Variants in LRP12 observed in about 807,000 individuals in gnomAD.
The protein encoded by LRP12 is low-density lipoprotein receptor-related protein 12.
In LRP12, 14 loss-of-function variants were observed where a neutral mutation model predicts 66.0. The ratio of observed to expected loss-of-function variants is 0.21; its 90% CI spans 0.14 to 0.33. The LOEUF (loss-of-function observed/expected upper bound fraction) is 0.33. LRP12 is among the 10% of genes least tolerant of loss of function. The pLI is 1.00. For missense variants in LRP12, 889 were observed against 1,053.4 expected, an observed-to-expected ratio of 0.84 and a Z score of 2.16; for synonymous variants, 357 against 359.1, an observed-to-expected ratio of 0.99 and a Z score of 0.07.
intron 1 of LRP12, chr8:104,566,421 T>C (rs560542026): frequency 1.0e-3 from 253 of 245,608 alleles, no homozygotes; most frequent in Non-Finnish European, 1.4e-3. Context: ...TCAGTGGAAA[T>C]GGCCAATACA....
intron 3 of LRP12, chr8:104,504,852 C>G (rs1029447871): frequency 6.6e-6 from 1 of 152,098 alleles, no homozygotes; most frequent in Non-Finnish European, 1.5e-5. Context: ...GTATTTTAGG[C>G]TATGTAATTA....
At chr8:104,562,732 C>G (rs1231877820) in intron 1 of LRP12, among the ~76,000 whole-genome samples, 1 of 152,036 alleles carries the variant, frequency 6.6e-6, no homozygotes, top group Non-Finnish European at 1.5e-5. Context: ...TGTCCATCTA[C>G]TGGAGATGGG....
intron 1 of LRP12, among the ~76,000 whole-genome samples, chr8:104,539,841 A>C (rs1811448478): frequency 1.3e-5 from 2 of 152,150 alleles, no homozygotes; most frequent in Admixed American, 6.5e-5. Context: ...CAAATCTGAT[A>C]TGCTGTAGCC....
intron 2 of LRP12, among the ~76,000 whole-genome samples, chr8:104,524,179 T>C (rs895878127): frequency 1.4e-5 from 2 of 146,798 alleles, no homozygotes; most frequent in African/African-American, 2.5e-5. Context: ...GAGGTGGAGG[T>C]TGCAGTGGGC....
chr8:104,516,495 C>G (rs886846391), intron 2 of LRP12, among the ~76,000 whole-genome samples: 3 of 152,016 alleles, frequency 2.0e-5, no homozygotes, highest in African/African-American at 7.2e-5. Flanking sequence ...AGGTAGAGAT[C>G]CTCTGATGGA....
intron 6 of LRP12, among the ~76,000 whole-genome samples, chr8:104,494,293 G>C (rs1463107666): frequency 1.3e-5 from 2 of 152,136 alleles, no homozygotes; most frequent in African/African-American, 4.8e-5. Context: ...GAAATGTTTT[G>C]AAACTACAAA....
intron 1 of LRP12, among the ~76,000 whole-genome samples, chr8:104,572,940 T>C (rs899857714): frequency 6.6e-6 from 1 of 152,224 alleles, no homozygotes. Context: ...TCATGTATTC[T>C]AATTCTCTCT....
rs534542694 is a variant in LRP12 at position 104,589,239 on chromosome 8, GCGC to G, written c.-345_-343del. Among the ~76,000 whole-genome samples, 22 of 151,822 alleles carry G rather than the reference GCGC, an allele frequency of 1.4e-4. No homozygotes were observed. The highest frequency in any genetic ancestry group is 8.3e-4 in the South Asian group (4 of 4,812). ...GGCCTCGCGCCGCTCGGGCTAGCCG[GCGC>G]CGCCACTCGCCAGACTGAGCGCGCG... On this transcript the variant is annotated 5_prime_UTR_variant, in exon 1 of 7. Transcript: ENST00000276654.
At chr8:104,537,429 T>C (rs573085379) in intron 1 of LRP12, among the ~76,000 whole-genome samples, 3 of 152,232 alleles carry the variant, frequency 2.0e-5, no homozygotes, top group Non-Finnish European at 4.4e-5. Flanking sequence ...GAACTACCAC[T>C]GAAAGCTTAA....
rs139341609 is a variant in LRP12, at chr8:104,529,152, T to C, written c.136+2755A>G. 3.9e-3 allele frequency among the ~76,000 whole-genome samples: 595 copies of C among 152,240 alleles called. 4 individuals are homozygous for C. The highest frequency in any genetic ancestry group is 0.013 in the African/African-American group (549 of 41,520). ...GAGTTAAAGTTAAAATGAGGTCATA[T>C]GTGTGGCCCTAATCCAATGACTGGT... On this transcript the variant is annotated intron_variant, in intron 2 of 6. Transcript: ENST00000276654.
At chr8:104,494,249 T>A (rs1465512009) in intron 6 of LRP12, among the ~76,000 whole-genome samples, 1 of 152,188 alleles carries the variant, frequency 6.6e-6, no homozygotes, top group Non-Finnish European at 1.5e-5. Flanking sequence ...ACAGTGGAAC[T>A]TCTGAATGAT....
At chr8:104,528,113 G>A (rs1811268240) in intron 2 of LRP12, among the ~76,000 whole-genome samples, 1 of 152,074 alleles carries the variant, frequency 6.6e-6, no homozygotes, top group Non-Finnish European at 1.5e-5. Flanking sequence ...TCCTGATTTG[G>A]AAAATAAATT....
intron 1 of LRP12, among the ~76,000 whole-genome samples, chr8:104,548,385 T>C (rs1308083653): frequency 1.2e-5 from 1 of 81,362 alleles, no homozygotes; most frequent in Non-Finnish European, 2.0e-5. Context: ...TATATAAATA[T>C]ATAATATATA....
intron 1 of LRP12, among the ~76,000 whole-genome samples, chr8:104,553,500 T>C (rs772045259): frequency 2.0e-5 from 3 of 152,136 alleles, no homozygotes; most frequent in Non-Finnish European, 4.4e-5. Flanking sequence ...ACCTGTATGA[T>C]ACAGCAGAGG....
rs1346739935 is a variant in LRP12, at chr8:104,548,334, T to C, written c.80-16371A>G. Among the ~76,000 whole-genome samples the C allele has an allele frequency of 1.3e-3, 11 of 8,324 alleles. 2 individuals are homozygous for C. The highest frequency in any genetic ancestry group is 0.012 in the African/African-American group (8 of 660). 5.5% of individuals were successfully genotyped at this position (8,324 alleles called of 152,430 possible). On this transcript the variant is annotated intron_variant, in intron 1 of 6. Coordinates refer to ENST00000276654, the MANE Select transcript of LRP12 (RefSeq NM_013437.5). ...TTATATAAATATATAATATATATTA[T>C]ATAAATATATAAATATATAATATAT...
intron 1 of LRP12, among the ~76,000 whole-genome samples, chr8:104,547,588 A>G (rs1324892002): frequency 1.6e-5 from 2 of 122,400 alleles, no homozygotes; most frequent in Admixed American, 9.2e-5. Context: ...ATATTAATAT[A>G]TAATATATAA....
chr8:104,491,598 A>G (rs1810631673), intron 6 of LRP12, 59 bp from the exon 7 acceptor site: 1 of 1,312,746 alleles, frequency 7.6e-7, no homozygotes, highest in South Asian at 1.5e-5. Context: ...GATAAAAAAA[A>G]AAAAAAACAC....
intron 1 of LRP12, among the ~76,000 whole-genome samples, chr8:104,556,468 A>G (rs1811810067): frequency 6.6e-6 from 1 of 152,306 alleles, no homozygotes; most frequent in African/African-American, 2.4e-5. Context: ...ATTACAACTG[A>G]TATCACAGAA....
chr8:104,588,880 G>A lies in LRP12; in HGVS notation c.18C>T (p.Ser6=). 3 of 1,610,716 alleles carry A rather than the reference G, an allele frequency of 1.9e-6. No individual in the cohort carries two copies. Among genetic ancestry groups the A allele is most frequent in the Middle Eastern group, 1.7e-4 (1 of 6,054 alleles). MACRW[S]TKESPRWRSA... ...ACCTCCACCGCGGAGACTCTTTTGT[G>A]CTCCAGCGACAGGCCATAACCACAG... Residue 6 remains serine, a synonymous_variant, in exon 1 of 7, where the codon AGC becomes AGT. Transcript: ENST00000276654.
Sources: gnomAD v4.1 joint callset for allele counts (sites outside exome capture counted in the v4.1 genomes callset) on GRCh38, gnomAD v4.1.1 for gene constraint, MANE v1.5 for transcripts, NCBI Gene and HGNC (gene_info 2026-07-23, HGNC 2026-07-21) for gene names.